MRNIP: variants seen among roughly 807,000 people sequenced by gnomAD.
MRNIP encodes the protein MRN complex-interacting protein.
A neutral mutation model predicts 29.8 loss-of-function variants in MRNIP; 30 were observed. That is an observed-to-expected ratio of 1.01 (90% CI 0.75 to 1.36). The LOEUF (loss-of-function observed/expected upper bound fraction) is 1.36. Ranked by LOEUF, MRNIP falls within the 40% of genes most tolerant of loss-of-function variation. The pLI is 0.00. For missense variants in MRNIP, 459 were observed against 423.5 expected, an observed-to-expected ratio of 1.08 and a Z score of -0.74; for synonymous variants, 201 against 164.1, an observed-to-expected ratio of 1.23 and a Z score of -1.72.
At chr5:179,846,721 C>T (rs1759146302) in intron 3 of MRNIP, among the ~76,000 whole-genome samples, 1 of 152,170 alleles carries the variant, frequency 6.6e-6, no homozygotes, top group Non-Finnish European at 1.5e-5. Context: ...GGCTGAAAAA[C>T]CATGCAACTA....
chr5:179,853,720 C>A (rs1759468344), intron 1 of MRNIP, among the ~76,000 whole-genome samples: 1 of 151,648 alleles, frequency 6.6e-6, no homozygotes, highest in Admixed American at 6.6e-5. Context: ...TGCAGTGAGC[C>A]AAGATTGCAC....
intron 5 of MRNIP, 106 bp from the exon 6 acceptor site, chr5:179,841,065 C>T (rs1758864300): frequency 4.2e-6 from 3 of 718,364 alleles, no homozygotes; most frequent in Non-Finnish European, 7.0e-6. Flanking sequence ...CCTGCTTGTT[C>T]CTACGGCTTC....
chr5:179,850,483 GCA>G (rs1759323254), intron 2 of MRNIP, among the ~76,000 whole-genome samples: 1 of 152,224 alleles, frequency 6.6e-6, no homozygotes. Flanking sequence ...TGTCCCGTGA[GCA>G]CAGAATTCTG....
At chr5:179,841,561 C>G (rs1758879377) in intron 5 of MRNIP, 1 of 245,788 alleles carries the variant, frequency 4.1e-6, no homozygotes, top group African/African-American at 2.3e-5. Context: ...AAACTTCCTT[C>G]AAGTCTGAGG....
rs569391116 is a variant in MRNIP, at chr5:179,856,390, A to C, written c.66+2341T>G. On this transcript the variant is annotated intron_variant, in intron 1 of 6. Transcript: ENST00000292586. ...CTAAGTCAAAGGTTGTTGAAGTTAAACGTGTTAAAGTAGTACACAGCCGAC... is the reference window on the plus strand; with the variant it reads ...CTAAGTCAAAGGTTGTTGAAGTTAACCGTGTTAAAGTAGTACACAGCCGAC... 3.3e-5 allele frequency among the ~76,000 whole-genome samples: 5 copies of C among 152,274 alleles called. No individual in the cohort carries two copies. In the East Asian group the frequency reaches 9.7e-4, roughly 29 times the overall value.
At chr5:179,841,084 C>G in intron 5 of MRNIP, 125 bp from the exon 6 acceptor site, 1 of 641,980 alleles carries the variant, frequency 1.6e-6, no homozygotes, top group South Asian at 1.9e-5. Context: ...TCCCAGGCAG[C>G]TGCTCAGGGT....
At chr5:179,857,924 T>C (rs756881049) in intron 1 of MRNIP, among the ~76,000 whole-genome samples, 3 of 151,488 alleles carry the variant, frequency 2.0e-5, no homozygotes, top group East Asian at 3.9e-4. Flanking sequence ...GGCAGGAGAA[T>C]TGCTTGAACC....
At chr5:179,856,586 C>A (rs1054482334) in intron 1 of MRNIP, among the ~76,000 whole-genome samples, 1 of 152,182 alleles carries the variant, frequency 6.6e-6, no homozygotes. Context: ...TCTCCTGCCT[C>A]AGCGACCCTG....
chr5:179,849,564 C>G (rs1193313400), intron 2 of MRNIP, among the ~76,000 whole-genome samples: 2 of 143,056 alleles, frequency 1.4e-5, no homozygotes, highest in Admixed American at 7.0e-5. Flanking sequence ...GAATTTGTGA[C>G]CATGGGTCCT....
At chr5:179,847,811 C>T (rs1046231222) in intron 3 of MRNIP, 167 bp downstream of exon 3, 6 of 587,934 alleles carry the variant, frequency 1.0e-5, no homozygotes, top group African/African-American at 3.8e-5. Flanking sequence ...TCCCCGGGGT[C>T]GGTTCTGAGG....
intron 2 of MRNIP, among the ~76,000 whole-genome samples, chr5:179,849,823 G>A (rs112162865): frequency 1.1e-5 from 1 of 94,834 alleles, no homozygotes; most frequent in African/African-American, 4.2e-5. Flanking sequence ...ACCATGGGTC[G>A]TGCTATGGCA....
chr5:179,854,408 G>A (rs1487871711), intron 1 of MRNIP, among the ~76,000 whole-genome samples: 1 of 152,218 alleles, frequency 6.6e-6, no homozygotes, highest in Non-Finnish European at 1.5e-5. Context: ...TAATCATAAA[G>A]GTGGTACTTT....
At chr5:179,842,922 T>A (rs529532219) in intron 4 of MRNIP, among the ~76,000 whole-genome samples, 38 of 149,886 alleles carry the variant, frequency 2.5e-4, no homozygotes, top group Admixed American at 9.3e-4. Flanking sequence ...AATCCCAGCT[T>A]CTTGGGAGGC....
At position 179,840,976 on chromosome 5, in the gene MRNIP, G is replaced by A. The variant is rs765922550; in HGVS notation, c.450-17C>T. 33 of 1,560,250 alleles carry A rather than the reference G, an allele frequency of 2.1e-5. No individual in the cohort carries two copies. Among genetic ancestry groups the A allele is most frequent in the Non-Finnish European group, 2.7e-5 (31 of 1,143,142 alleles). Reference sequence around the variant, plus strand: ...CTCCACTTCCTGTCAGGACAGGACCGTCAGTAGTCCCGTGCTACTCTCCAG... The same window carrying A: ...CTCCACTTCCTGTCAGGACAGGACCATCAGTAGTCCCGTGCTACTCTCCAG... On this transcript the variant is annotated splice_polypyrimidine_tract_variant and intron_variant, in intron 5 of 6. Coordinates refer to ENST00000292586, the MANE Select transcript of MRNIP (RefSeq NM_016175.4).
intron 1 of MRNIP, 107 bp from the exon 2 acceptor site, chr5:179,853,544 C>A (rs1255160191): frequency 6.1e-6 from 5 of 820,764 alleles, no homozygotes; most frequent in Admixed American, 2.2e-5. Context: ...GAGGCCGAGG[C>A]GGGCAGATCA....
intron 5 of MRNIP, chr5:179,841,243 T>C: frequency 2.3e-6 from 1 of 427,980 alleles, no homozygotes; most frequent in Non-Finnish European, 4.2e-6. Flanking sequence ...CAGGTGATCC[T>C]CCTGCCTCAG....
chr5:179,837,837 G>T lies in MRNIP; in HGVS notation c.586C>A (p.Leu196Ile). 1 of 1,612,172 alleles carries T rather than the reference G, an allele frequency of 6.2e-7. No homozygotes were observed. Among genetic ancestry groups the T allele is most frequent in the Non-Finnish European group, 8.5e-7 (1 of 1,180,020 alleles). ...CTGCAGTCTGCAGAGTTCTCCTGGAGGCAGGGGCTGCTGCCTTGTTTCACC... is the reference window on the plus strand; with the variant it reads ...CTGCAGTCTGCAGAGTTCTCCTGGATGCAGGGGCTGCTGCCTTGTTTCACC... ...WKVKQGSSPC[L>I]QENSADCSAG... Residue 196 changes from leucine to isoleucine, a missense_variant, in exon 7 of 7, where the codon CTC (leucine) becomes ATC (isoleucine). Leu to Ile is a conservative substitution (Grantham distance 5). Transcript: ENST00000292586.
At chr5:179,840,086 A>C (rs985487008) in intron 6 of MRNIP, 8 of 152,206 alleles carry the variant, frequency 5.3e-5, no homozygotes, top group Non-Finnish European at 1.2e-4. Flanking sequence ...CTGGGATTAT[A>C]GGCGTGCACA....
At position 179,855,904 on chromosome 5, in the gene MRNIP, GTTGTTTTT is replaced by G. The variant is rs1467653120; in HGVS notation, c.67-2475_67-2468del. Among the ~76,000 whole-genome samples the G allele has an allele frequency of 9.9e-5, 13 of 131,430 alleles. No homozygotes were observed. The East Asian group carries it at 2.8e-3, about 28-fold the overall frequency. The allele number at this position is 131,430 out of a possible 152,430, so 86.2% of individuals were successfully genotyped here. ...ATGAGTATATAAACAAGTAAGAAAA[GTTGTTTTT>G]TTTTTTTTTTTTTTGAGACAGAGTC... On this transcript the variant is annotated intron_variant, in intron 1 of 6. Coordinates refer to ENST00000292586, the MANE Select transcript of MRNIP (RefSeq NM_016175.4).
Sources: gnomAD v4.1 joint callset for allele counts (sites outside exome capture counted in the v4.1 genomes callset) on GRCh38, gnomAD v4.1.1 for gene constraint, MANE v1.5 for transcripts, NCBI Gene and HGNC (gene_info 2026-07-23, HGNC 2026-07-21) for gene names.